TNRC18: variants seen among roughly 807,000 people sequenced by gnomAD.
The protein encoded by TNRC18 is trinucleotide repeat containing 18.
TNRC18 carries 69 observed loss-of-function variants against 226.7 expected under a neutral mutation model. The ratio of observed to expected loss-of-function variants is 0.30; its 90% confidence interval spans 0.25 to 0.37. The LOEUF (loss-of-function observed/expected upper bound fraction) is 0.37. Ranked by LOEUF, TNRC18 falls within the 10% of genes least tolerant of loss-of-function variation. The pLI is 1.00. For missense variants in TNRC18, 4,754 were observed against 4,256.6 expected (o/e 1.12, Z -3.25); for synonymous variants, 2,449 against 1,927.6 (o/e 1.27, Z -7.09).
intron 2 of TNRC18, among the ~76,000 whole-genome samples, chr7:5,408,648 CAG>C (rs764646191): frequency 1.2e-4 from 18 of 151,758 alleles, no homozygotes; most frequent in Non-Finnish European, 2.2e-4. Context: ...TCTCAAAAAA[CAG>C]AAAGAAAAAA....
In TNRC18 at chr7:5,421,069, G is replaced by A. The variant is rs1175807779; in HGVS notation, c.178C>T (p.Pro60Ser). 1.6e-5 allele frequency: 24 copies of A among 1,513,132 alleles called. No homozygotes were observed. Among genetic ancestry groups the A allele is most frequent in the Non-Finnish European group, 2.1e-5 (23 of 1,120,556 alleles). The allele number at this position is 1,513,132 out of a possible 1,614,324, so 93.7% of individuals were successfully genotyped here. A position where few individuals can be genotyped will look rare whatever the true frequency, so the allele number is the denominator to read the frequency against. Reference sequence around the variant, plus strand: ...GGCGCGGGGCACTTACCCGGGTGCGGATGGAGATTCAGGCCGGCCATGTAC... The same window carrying A: ...GGCGCGGGGCACTTACCCGGGTGCGAATGGAGATTCAGGCCGGCCATGTAC... ...GKYMAGLNLH[P>S]HPGEAFLGSF... The change falls in exon 2 of 30, where the codon CCG becomes TCG. Residue 60 changes from proline to serine, a missense_variant. By Grantham distance (74) the Pro-to-Ser change is moderately conservative (BLOSUM62 -1). Transcript: ENST00000430969.
intron 9 of TNRC18, among the ~76,000 whole-genome samples, chr7:5,375,430 C>A (rs1197795444): frequency 6.6e-6 from 1 of 152,244 alleles, no homozygotes; most frequent in Non-Finnish European, 1.5e-5. Context: ...ACGCTAGCAT[C>A]TGTTTCTGGG....
At chr7:5,390,837 G>C (rs1007593773) in intron 3 of TNRC18, among the ~76,000 whole-genome samples, 7 of 152,102 alleles carry the variant, frequency 4.6e-5, no homozygotes, top group African/African-American at 1.4e-4. Flanking sequence ...CGGGGGACTG[G>C]GGTCTCCAGT....
chr7:5,345,648 C>A lies in TNRC18; in HGVS notation c.5633G>T (p.Ser1878Ile). 6.4e-7 allele frequency: 1 copy of A among 1,555,930 alleles called. No individual in the cohort carries two copies. Among genetic ancestry groups the A allele is most frequent in the East Asian group, 2.4e-5 (1 of 41,408 alleles). Residue 1878 changes from serine (S) to isoleucine (I), a missense_variant, in exon 18 of 30, where the codon AGC becomes ATC. Physicochemically the swap from Ser to Ile is moderately radical, Grantham distance 142. Coordinates refer to ENST00000430969, the MANE Select transcript of TNRC18 (RefSeq NM_001080495.3). The stretch of plus-strand genomic sequence containing the variant: ...AGACAGGGATGGACCCACCGTGGGG[C>A]TGGGGAGGGCGCTGGCGGCGAAGCG... ...LARFAASALP[S>I]PTVGPSLSVV...
intron 5 of TNRC18, among the ~76,000 whole-genome samples, chr7:5,383,121 C>A (rs926278447): frequency 1.3e-5 from 2 of 152,112 alleles, no homozygotes; most frequent in African/African-American, 4.8e-5. Flanking sequence ...AGGCTAGTCT[C>A]CCAACTCCTG....
In TNRC18 at chr7:5,333,862, C is replaced by T. The variant is rs190520637; in HGVS notation, c.5720-813G>A. ...ACCTCTGTTGTCACAGGCAATGCCACACCTTCGCATTTCTGTCCATGCCCA... is the reference window on the plus strand; with the variant it reads ...ACCTCTGTTGTCACAGGCAATGCCATACCTTCGCATTTCTGTCCATGCCCA... On this transcript the variant is annotated intron_variant, in intron 18 of 29. Transcript: ENST00000430969. Among the ~76,000 whole-genome samples, 129 of 152,358 alleles carry T rather than the reference C, an allele frequency of 8.5e-4. 1 individual carries two copies. Among genetic ancestry groups the T allele is most frequent in the Non-Finnish European group, 2.1e-4 (14 of 68,046 alleles).
chr7:5,361,715 G>C lies in TNRC18; in HGVS notation c.4540C>G (p.Arg1514Gly). ...GCCAAGCTTCTATGGGGTTCCTCGCGCCTGTCCCTTAAAAAGAATCACACG... is the reference window on the plus strand; with the variant it reads ...GCCAAGCTTCTATGGGGTTCCTCGCCCCTGTCCCTTAAAAAGAATCACACG... ...LQRRRDSEDR[R>G]EEPHRSLARR... The change falls in exon 14 of 30, where the codon CGC (arginine) becomes GGC (glycine). Residue 1514 changes from arginine (R) to glycine (G), a missense_variant. By Grantham distance (125) the Arg-to-Gly change is moderately radical. Transcript: ENST00000430969. The C allele has an allele frequency of 6.4e-7, 1 of 1,565,308 alleles. No homozygotes were observed. The highest frequency in any genetic ancestry group is 8.7e-7 in the Non-Finnish European group (1 of 1,155,872).
rs576520594 is a variant in TNRC18, at chr7:5,347,756, A to T, written c.5471-1946T>A. Reference sequence around the variant, plus strand: ...TGGATCATGATGTCAGGAGTTCGAGACCAGCCTGGCCAACCTGGTGAAACC... The same window carrying T: ...TGGATCATGATGTCAGGAGTTCGAGTCCAGCCTGGCCAACCTGGTGAAACC... On this transcript the variant is annotated intron_variant, in intron 17 of 29. Transcript: ENST00000430969. 6.1e-4 allele frequency among the ~76,000 whole-genome samples: 93 copies of T among 152,014 alleles called. 1 individual carries two copies. The highest frequency in any genetic ancestry group is 2.1e-3 in the African/African-American group (89 of 41,496).
chr7:5,345,497 G>C (rs1791084098), intron 18 of TNRC18, 65 bp downstream of exon 18: 1 of 1,375,684 alleles, frequency 7.3e-7, no homozygotes, highest in Non-Finnish European at 9.7e-7. Flanking sequence ...CCTCACCTGT[G>C]GGATGGGGCA....
In TNRC18 at chr7:5,332,994, C is replaced by A. The variant is rs1156844208; in HGVS notation, c.5775G>T (p.Ser1925=). ...TCTTGGGCCGCAGCAGCCCCGCAGG[C>A]GACCGCTTGCGCACCTTGACCTCGC... ...SESEVKVRKR[S]PAGLLRPKKG... is the part of the protein sequence containing the mutation. The change falls in exon 19 of 30, where the codon TCG becomes TCT. Residue 1925 remains serine, a synonymous_variant. Transcript: ENST00000430969. The A allele has an allele frequency of 2.5e-6, 4 of 1,573,784 alleles. No individual in the cohort carries two copies. The highest frequency in any genetic ancestry group is 2.3e-5 in the East Asian group (1 of 43,536).
intron 2 of TNRC18, among the ~76,000 whole-genome samples, chr7:5,417,286 A>G (rs900650929): frequency 2.6e-5 from 4 of 152,152 alleles, no homozygotes; most frequent in African/African-American, 9.7e-5. Flanking sequence ...GGGGCAACAT[A>G]GCAAGACCCT....
At chr7:5,412,973 C>T (rs1290822921) in intron 2 of TNRC18, among the ~76,000 whole-genome samples, 1 of 152,216 alleles carries the variant, frequency 6.6e-6, no homozygotes, top group East Asian at 1.9e-4. Flanking sequence ...TGGCTCCCAC[C>T]TAGTGGCCTA....
intron 19 of TNRC18, among the ~76,000 whole-genome samples, chr7:5,326,716 A>C (rs904840269): frequency 1.3e-5 from 2 of 151,952 alleles, no homozygotes; most frequent in Non-Finnish European, 2.9e-5. Context: ...CTGAGGCAGA[A>C]TCATCACTTG....
chr7:5,338,617 TAAAA>T (rs573809852), intron 18 of TNRC18, among the ~76,000 whole-genome samples: 3 of 68,172 alleles, frequency 4.4e-5, no homozygotes, highest in Non-Finnish European at 6.0e-5. Context: ...CGCTGCACAT[TAAAA>T]AAAAAAAAAA....
At chr7:5,404,444 G>A (rs932762338) in intron 2 of TNRC18, among the ~76,000 whole-genome samples, 5 of 152,170 alleles carry the variant, frequency 3.3e-5, no homozygotes, top group African/African-American at 1.2e-4. Context: ...AAATTTCAAG[G>A]CCATTAGCAT....
chr7:5,373,984 G>A, intron 10 of TNRC18, 71 bp downstream of exon 10: 1 of 1,262,536 alleles, frequency 7.9e-7, no homozygotes, highest in South Asian at 1.7e-5. Flanking sequence ...ACGGGTCAAT[G>A]AAAAGATGGA....
rs754420973 is a variant in TNRC18 at position 5,388,238 on chromosome 7, T to G, written c.1586A>C (p.Gln529Pro). 3.1e-6 allele frequency: 5 copies of G among 1,590,508 alleles called. No individual in the cohort carries two copies. The East Asian group carries it at 1.2e-4, about 37-fold the overall frequency. ...AATQMAVLAA[Q>P]HHHSRAEEEA... ...CTCTTCGGCGCGGCTGTGGTGGTGC[T>G]GCGCGGCCAGCACGGCCATCTGCGT... Residue 529 changes from glutamine (Q) to proline (P), a missense_variant, in exon 5 of 30, where the codon CAG becomes CCG. Gln to Pro is a moderately conservative substitution (Grantham distance 76). Coordinates refer to ENST00000430969, the MANE Select transcript of TNRC18 (RefSeq NM_001080495.3).
Position 5,405,116 on chromosome 7 carries a change from C to CA in TNRC18, c.188-10522dup, listed in dbSNP as rs61065130. On this transcript the variant is annotated intron_variant, in intron 2 of 29. Coordinates refer to ENST00000430969, the MANE Select transcript of TNRC18 (RefSeq NM_001080495.3). The stretch of plus-strand genomic sequence containing the variant: ...TGGGCAACAGAGTGAGACTTCGTCT[C>CA]AAAAAAAAAAAAGAAGTATACAGAA... Among the ~76,000 whole-genome samples, 541 of 145,022 alleles carry CA rather than the reference C, an allele frequency of 3.7e-3. 1 individual carries two copies. The highest frequency in any genetic ancestry group is 5.5e-3 in the Non-Finnish European group (358 of 65,634).
chr7:5,400,409 A>G (rs551673817), intron 2 of TNRC18, among the ~76,000 whole-genome samples: 23 of 152,122 alleles, frequency 1.5e-4, no homozygotes, highest in Non-Finnish European at 1.6e-4. Flanking sequence ...CAGGGGTTCT[A>G]GACCAGCCTG....
Sources: gnomAD v4.1 joint callset for allele counts (sites outside exome capture counted in the v4.1 genomes callset) on GRCh38, gnomAD v4.1.1 for gene constraint, MANE v1.5 for transcripts, NCBI Gene and HGNC (gene_info 2026-07-23, HGNC 2026-07-21) for gene names.